The following GPC5 variants were observed in gnomAD, a reference collection of about 807,000 sequenced individuals.
GPC5 encodes the protein glypican-5.
GPC5 carries 47 observed loss-of-function variants against 53.9 expected under a neutral mutation model. The ratio of observed to expected loss-of-function variants is 0.87; its 90% CI spans 0.69 to 1.11. GPC5 has a LOEUF of 1.11. Among genes scored for constraint, GPC5 ranks in the 50% most tolerant of loss-of-function variants. The pLI is 0.00. For missense variants in GPC5, 748 were observed against 713.1 expected, an observed-to-expected ratio of 1.05 and a Z score of -0.56; for synonymous variants, 286 against 263.3, an observed-to-expected ratio of 1.09 and a Z score of -0.84.
rs1466921751 is a variant in GPC5 at position 91,911,768 on chromosome 13, G to A, written c.1401+3711G>A. Among the ~76,000 whole-genome samples, 9 of 152,114 alleles carry A rather than the reference G, an allele frequency of 5.9e-5. No homozygotes were observed. In the South Asian group the frequency reaches 6.2e-4, roughly 11 times the overall value. ...ATAGATTTAGACAAATGTTGGAAGC[G>A]GGGTTATTGGGATTTGTTAATGGAT... On this transcript the variant is annotated intron_variant, in intron 6 of 7. Coordinates refer to ENST00000377067, the MANE Select transcript of GPC5 (RefSeq NM_004466.6).
intron 2 of GPC5, among the ~76,000 whole-genome samples, chr13:91,670,699 A>G (rs1029497734): frequency 3.9e-5 from 6 of 152,154 alleles, no homozygotes; most frequent in African/African-American, 1.2e-4. Context: ...ATGTTTTGTC[A>G]GTTGCTGAGG....
At chr13:92,626,216 A>G (rs1885039668) in intron 7 of GPC5, among the ~76,000 whole-genome samples, 1 of 152,236 alleles carries the variant, frequency 6.6e-6, no homozygotes, top group Non-Finnish European at 1.5e-5. Flanking sequence ...ATCTCCTGGG[A>G]GGAAAATATT....
intron 7 of GPC5, among the ~76,000 whole-genome samples, chr13:92,699,990 A>G (rs1470179162): frequency 6.6e-6 from 1 of 151,878 alleles, no homozygotes; most frequent in Non-Finnish European, 1.5e-5. Context: ...CCTTGTTAAT[A>G]TTCTGACTTG....
chr13:91,668,933 C>T (rs1475760404), intron 2 of GPC5, among the ~76,000 whole-genome samples: 2 of 152,112 alleles, frequency 1.3e-5, no homozygotes, highest in Admixed American at 6.5e-5. Flanking sequence ...TGAAAATAGG[C>T]ATCAGGGTAA....
At chr13:91,803,475 G>T (rs539613525) in intron 5 of GPC5, among the ~76,000 whole-genome samples, 2 of 152,144 alleles carry the variant, frequency 1.3e-5, no homozygotes, top group East Asian at 3.9e-4. Flanking sequence ...ACGTATGTAT[G>T]TGTGTATGTA....
intron 5 of GPC5, among the ~76,000 whole-genome samples, chr13:91,782,779 C>T (rs1168755209): frequency 6.6e-6 from 1 of 152,024 alleles, no homozygotes; most frequent in Admixed American, 6.6e-5. Context: ...AACTGCAACA[C>T]AGATAAATAA....
intron 7 of GPC5, among the ~76,000 whole-genome samples, chr13:92,314,646 C>T (rs1029278184): frequency 5.3e-5 from 8 of 151,544 alleles, no homozygotes; most frequent in Non-Finnish European, 7.4e-5. Context: ...AAAGAAATAA[C>T]GCTATCCATC....
rs2138727795 is a variant in GPC5 at position 91,398,952 on chromosome 13, G to A, written c.-95G>A. 3.5e-6 allele frequency: 5 copies of A among 1,445,734 alleles called. No homozygotes were observed. The East Asian group carries it at 1.0e-4, about 29-fold the overall frequency. 89.6% of individuals were successfully genotyped at this position (1,445,734 alleles called of 1,614,324 possible). ...CGCAGCCGGCTCGCACCGCTCGAGA[G>A]CCTCGGCCGCTGTGTCTTCCACGTC... On this transcript the variant is annotated 5_prime_UTR_variant, in exon 1 of 8. Transcript: ENST00000377067.
intron 3 of GPC5, among the ~76,000 whole-genome samples, chr13:91,701,871 C>T (rs2139858427): frequency 6.6e-6 from 1 of 152,172 alleles, no homozygotes. Context: ...GGAACCACTG[C>T]ACTTTTCTTC....
intron 7 of GPC5, among the ~76,000 whole-genome samples, chr13:92,770,458 C>A (rs1875572630): frequency 6.6e-6 from 1 of 150,670 alleles, no homozygotes; most frequent in Non-Finnish European, 1.5e-5. Context: ...TGCTTACAAC[C>A]ACAACTTCAT....
chr13:91,901,573 C>T (rs1241890541), intron 5 of GPC5, among the ~76,000 whole-genome samples: 1 of 151,966 alleles, frequency 6.6e-6, no homozygotes, highest in Non-Finnish European at 1.5e-5. Flanking sequence ...CCAGTATTTC[C>T]CAAGTATTTG....
intron 7 of GPC5, among the ~76,000 whole-genome samples, chr13:92,698,219 C>T (rs540075609): frequency 2.6e-5 from 4 of 151,710 alleles, no homozygotes; most frequent in South Asian, 2.1e-4. Context: ...ACAACGTGCA[C>T]GTTAGTTACA....
At chr13:91,618,059 C>T (rs2033746534) in intron 2 of GPC5, among the ~76,000 whole-genome samples, 1 of 152,046 alleles carries the variant, frequency 6.6e-6, no homozygotes, top group East Asian at 1.9e-4. Flanking sequence ...AACAGGAAGG[C>T]TAGATTTGGC....
At chr13:91,470,923 T>A (rs1882580412) in intron 2 of GPC5, among the ~76,000 whole-genome samples, 1 of 152,146 alleles carries the variant, frequency 6.6e-6, no homozygotes, top group Non-Finnish European at 1.5e-5. Context: ...CCCTTTCTCA[T>A]TCTGATTTTA....
chr13:92,229,456 T>TAATATTCCTAATAA (rs2042513959), intron 7 of GPC5, among the ~76,000 whole-genome samples: 1 of 152,124 alleles, frequency 6.6e-6, no homozygotes, highest in Admixed American at 6.6e-5. Flanking sequence ...TATCTATACT[T>TAATATTCCTAATAA]AATATTCCTA....
intron 5 of GPC5, among the ~76,000 whole-genome samples, chr13:91,778,731 C>G (rs1182633615): frequency 6.6e-6 from 1 of 152,166 alleles, no homozygotes; most frequent in Admixed American, 6.5e-5. Flanking sequence ...ACTTTATTCT[C>G]AATCATCACG....
chr13:91,777,993 C>T (rs1031468370), intron 5 of GPC5, among the ~76,000 whole-genome samples: 1 of 152,116 alleles, frequency 6.6e-6, no homozygotes, highest in Non-Finnish European at 1.5e-5. Context: ...CCTCACAGCA[C>T]TTCCGGAAGC....
At chr13:92,385,606 CACATAT>C (rs897003564) in intron 7 of GPC5, among the ~76,000 whole-genome samples, 35 of 142,406 alleles carry the variant, frequency 2.5e-4, no homozygotes, top group East Asian at 2.2e-3. Context: ...TACATATATA[CACATAT>C]ACATATACAT....
At chr13:92,483,206 T>C (rs1879422120) in intron 7 of GPC5, among the ~76,000 whole-genome samples, 2 of 152,208 alleles carry the variant, frequency 1.3e-5, no homozygotes, top group African/African-American at 4.8e-5. Flanking sequence ...CCATATCAGA[T>C]ACATTCTGAG....
Sources: gnomAD v4.1 joint callset for allele counts (sites outside exome capture counted in the v4.1 genomes callset) on GRCh38, gnomAD v4.1.1 for gene constraint, MANE v1.5 for transcripts, NCBI Gene and HGNC (gene_info 2026-07-23, HGNC 2026-07-21) for gene names.